USP54: variants seen among roughly 807,000 people sequenced by gnomAD.
USP54 encodes ubiquitin specific peptidase 54, also known as ubiquitin carboxyl-terminal hydrolase 54.
A neutral mutation model predicts 170.5 loss-of-function variants in USP54; 87 were observed. That is an observed-to-expected ratio of 0.51 (90% CI 0.43 to 0.61). USP54 has a LOEUF of 0.61. Among genes scored for constraint, USP54 ranks in the 20% least tolerant of loss-of-function variants. USP54 has a pLI of 0.00. For missense variants in USP54, 1,786 were observed against 2,047.8 expected (o/e 0.87, Z 2.47); for synonymous variants, 655 against 742.8 (o/e 0.88, Z 1.92).
In USP54 at chr10:73,516,791, G is replaced by C; in HGVS notation, c.3635C>G (p.Ser1212Cys). ...STEHSSLALN[S>C]GLPNGETSSG... Reference sequence around the variant, plus strand: ...AGAAGTTTCACCATTAGGCAGCCCAGAGTTTAAGGCAAGAGAAGAATGTTC... The same window carrying C: ...AGAAGTTTCACCATTAGGCAGCCCACAGTTTAAGGCAAGAGAAGAATGTTC... The change falls in exon 20 of 24, where the codon TCT (serine) becomes TGT (cysteine). Residue 1212 changes from serine to cysteine, a missense_variant. Physicochemically the swap from Ser to Cys is moderately radical, Grantham distance 112. Transcript: ENST00000687698. The C allele has an allele frequency of 6.2e-7, 1 of 1,614,178 alleles. No individual in the cohort carries two copies. The highest frequency in any genetic ancestry group is 1.1e-5 in the South Asian group (1 of 91,086).
At chr10:73,509,105 C>CA (rs34441562) in intron 20 of USP54, among the ~76,000 whole-genome samples, 5,285 of 46,880 alleles carry the variant, frequency 0.11, 383 homozygotes, top group East Asian at 0.24. Flanking sequence ...ATCATACTGG[C>CA]AAAAAAAAAA....
At chr10:73,543,468 G>C (rs1176857888) in intron 5 of USP54, among the ~76,000 whole-genome samples, 1 of 152,002 alleles carries the variant, frequency 6.6e-6, no homozygotes, top group Non-Finnish European at 1.5e-5. Context: ...CCGGGTTCAC[G>C]CCATTCTCCT....
At chr10:73,530,905 A>T in intron 12 of USP54, 70 bp from the exon 13 acceptor site, 2 of 1,597,636 alleles carry the variant, frequency 1.3e-6, no homozygotes, top group Non-Finnish European at 1.7e-6. Flanking sequence ...GAACCTACCT[A>T]ATCTCCCTTT....
rs181981841 is a variant in USP54, at chr10:73,502,787, A to T, written c.4312-1949T>A. Among the ~76,000 whole-genome samples, 252 of 152,206 alleles carry T rather than the reference A, an allele frequency of 1.7e-3. 1 individual carries two copies. Among genetic ancestry groups the T allele is most frequent in the African/African-American group, 5.9e-3 (243 of 41,514 alleles). On this transcript the variant is annotated intron_variant, in intron 22 of 23. Transcript: ENST00000687698. ...TCCTGGCTCCTCTTCTCTTTCTGCA[A>T]GTCTTTTCCTCTTTTTCAATGGCTA... is the stretch of plus-strand genomic sequence containing the variant.
At chr10:73,525,718 C>T (rs538671703) in intron 16 of USP54, among the ~76,000 whole-genome samples, 1 of 152,330 alleles carries the variant, frequency 6.6e-6, no homozygotes, top group South Asian at 2.1e-4. Context: ...CTTACTAGAG[C>T]CCAGGATTCC....
intron 15 of USP54, among the ~76,000 whole-genome samples, chr10:73,528,489 G>A (rs937369643): frequency 1.4e-5 from 2 of 145,806 alleles, no homozygotes; most frequent in African/African-American, 2.6e-5. Context: ...AACTTCTGAC[G>A]TCGTGATCCA....
intron 1 of USP54, among the ~76,000 whole-genome samples, chr10:73,606,697 T>C (rs1267818818): frequency 6.6e-6 from 1 of 150,654 alleles, no homozygotes; most frequent in African/African-American, 2.4e-5. Flanking sequence ...GCTAACACGG[T>C]GAAACCCTGT....
rs556101327 is a variant in USP54, at chr10:73,565,610, C to T, written c.240+5811G>A. On this transcript the variant is annotated intron_variant, in intron 4 of 23. Coordinates refer to ENST00000687698, the MANE Select transcript of USP54 (RefSeq NM_001391956.1). Reference sequence around the variant, plus strand: ...CAGTGTCATATTTTTCCGTTTGTTACGTAAATTTCAGAACTGTCTTTTCTC... The same window carrying T: ...CAGTGTCATATTTTTCCGTTTGTTATGTAAATTTCAGAACTGTCTTTTCTC... Among the ~76,000 whole-genome samples the T allele has an allele frequency of 4.3e-4, 66 of 152,228 alleles. 2 individuals are homozygous for T. Among genetic ancestry groups the T allele is most frequent in the Non-Finnish European group, 4.7e-4 (32 of 68,022 alleles).
At chr10:73,603,589 T>C (rs1270975461) in intron 1 of USP54, among the ~76,000 whole-genome samples, 1 of 151,772 alleles carries the variant, frequency 6.6e-6, no homozygotes, top group Non-Finnish European at 1.5e-5. Flanking sequence ...CTACTAAAAA[T>C]GCAAAAAAGT....
Position 73,520,910 on chromosome 10 carries a change from A to G in USP54, c.2480T>C (p.Ile827Thr), listed in dbSNP as rs377278742. 2 of 1,614,054 alleles carry G rather than the reference A, an allele frequency of 1.2e-6. No homozygotes were observed. Among genetic ancestry groups the G allele is most frequent in the Non-Finnish European group, 1.7e-6 (2 of 1,180,044 alleles). ...AAALALCNEA[I>T]SKLRLALHGA... is the part of the protein sequence containing the mutation. Reference sequence around the variant, plus strand: ...CCATAGCAGTTAGAGTTACTTACAGATAGCTTCATTACAGAGAGCCAAAGC... The same window carrying G: ...CCATAGCAGTTAGAGTTACTTACAGGTAGCTTCATTACAGAGAGCCAAAGC... Residue 827 changes from isoleucine to threonine, a missense_variant and splice_region_variant, in exon 18 of 24, where the codon ATC becomes ACC. By Grantham distance (89) the Ile-to-Thr change is moderately conservative. This residue lies in a region of USP54 where 1,418 missense variants were observed against 1,569.0 expected (regional missense o/e 0.90). Transcript: ENST00000687698.
At chr10:73,521,581 A>G (rs1050284794) in intron 17 of USP54, among the ~76,000 whole-genome samples, 2 of 152,200 alleles carry the variant, frequency 1.3e-5, no homozygotes, top group African/African-American at 4.8e-5. Context: ...GCACCACCCT[A>G]AACTGGAAAA....
At chr10:73,557,555 A>G (rs1190756769) in intron 4 of USP54, among the ~76,000 whole-genome samples, 1 of 144,898 alleles carries the variant, frequency 6.9e-6, no homozygotes, top group Non-Finnish European at 1.5e-5. Context: ...GCGCGATCTC[A>G]GCTCACTGCA....
chr10:73,521,478 C>T (rs746712688), intron 17 of USP54, among the ~76,000 whole-genome samples: 5 of 152,186 alleles, frequency 3.3e-5, no homozygotes, highest in African/African-American at 7.2e-5. Context: ...TCAACTAAGA[C>T]GTTCACTGCT....
At chr10:73,597,306 T>A in intron 1 of USP54, among the ~76,000 whole-genome samples, 1 of 152,196 alleles carries the variant, frequency 6.6e-6, no homozygotes, top group East Asian at 1.9e-4. Flanking sequence ...AGATTAGAAA[T>A]TATGCTTTAG....
rs563479733 is a variant in USP54, at chr10:73,560,100, T to C, written c.240+11321A>G. Among the ~76,000 whole-genome samples the C allele has an allele frequency of 3.3e-5, 5 of 152,190 alleles. No individual in the cohort carries two copies. The East Asian group carries it at 9.6e-4, about 29-fold the overall frequency. ...AGGATTCAGCAAAAAGGAATTCTTA[T>C]TAGCCTCATCAAACATCCCTCTAAT... On this transcript the variant is annotated intron_variant, in intron 4 of 23. Coordinates refer to ENST00000687698, the MANE Select transcript of USP54 (RefSeq NM_001391956.1).
chr10:73,539,437 C>A lies in USP54; in HGVS notation c.975+7G>T, dbSNP rs2066087215. 1 of 1,604,012 alleles carries A rather than the reference C, an allele frequency of 6.2e-7. No individual in the cohort carries two copies. Among genetic ancestry groups the A allele is most frequent in the Non-Finnish European group, 8.5e-7 (1 of 1,174,090 alleles). Reference sequence around the variant, plus strand: ...AAACACTTCAAAAAGGACTTGACTACTCCTACCTCCTTGACATGAGCATCA... The same window carrying A: ...AAACACTTCAAAAAGGACTTGACTAATCCTACCTCCTTGACATGAGCATCA... On this transcript the variant is annotated splice_region_variant and intron_variant, in intron 10 of 23. Coordinates refer to ENST00000687698, the MANE Select transcript of USP54 (RefSeq NM_001391956.1).
Position 73,523,565 on chromosome 10 carries a change from A to G in USP54, c.2362+18T>C. On this transcript the variant is annotated intron_variant, in intron 17 of 23. Coordinates refer to ENST00000687698, the MANE Select transcript of USP54 (RefSeq NM_001391956.1). ...TGTCTGTCCCCATCACCCACAACCT[A>G]ATGCTCACAACAATTACCCTGATTC... is the stretch of plus-strand genomic sequence containing the variant. 1 of 1,581,056 alleles carries G rather than the reference A, an allele frequency of 6.3e-7. No individual in the cohort carries two copies. The highest frequency in any genetic ancestry group is 8.6e-7 in the Non-Finnish European group (1 of 1,157,656).
intron 4 of USP54, among the ~76,000 whole-genome samples, chr10:73,565,079 A>C (rs2073965040): frequency 6.6e-6 from 1 of 152,094 alleles, no homozygotes; most frequent in Admixed American, 6.6e-5. Context: ...ATCTCTAAAA[A>C]ATAATAATAC....
intron 1 of USP54, among the ~76,000 whole-genome samples, chr10:73,617,433 G>T (rs190724970): frequency 6.7e-6 from 1 of 148,338 alleles, no homozygotes; most frequent in East Asian, 1.9e-4. Context: ...TCCAGCCTGG[G>T]CAACAGAGAG....
Sources: allele counts gnomAD v4.1 joint callset (sites outside exome capture counted in the v4.1 genomes callset), GRCh38; gene constraint gnomAD v4.1.1; regional missense constraint gnomAD v4.1.1; transcripts MANE v1.5; gene names NCBI Gene and HGNC (gene_info 2026-07-23, HGNC 2026-07-21).